The following TPRA1 variants were observed in gnomAD, a reference collection of about 807,000 sequenced individuals.
TPRA1 encodes transmembrane protein adipocyte-associated 1.
In TPRA1, 28 loss-of-function variants were observed where a neutral mutation model predicts 40.1. That is an observed-to-expected ratio of 0.70 (90% CI 0.52 to 0.96). TPRA1 has a LOEUF of 0.96. Among genes scored for constraint, TPRA1 ranks in the 40% least tolerant of loss-of-function variants. The probability of loss-of-function intolerance (pLI) is 0.00; values close to 1 mark genes in which losing one functional copy is unlikely to be tolerated. For synonymous variants in TPRA1, 219 were observed against 209.7 expected (o/e 1.04, Z -0.38); for missense variants, 441 against 482.6 (o/e 0.91, Z 0.81).
Position 127,575,942 on chromosome 3 carries a change from GGAA to G in TPRA1, c.604_606del (p.Phe202del), listed in dbSNP as rs746565169. The G allele has an allele frequency of 7.1e-5, 114 of 1,613,938 alleles. No homozygotes were observed. In the East Asian group the frequency reaches 1.3e-3, roughly 19 times the overall value. ...AGCTGCCCCAGCCTGAACCTCACCA[GGAA>G]GAAGAAGCAGGAGCTGACCAGCCAG... On this transcript the variant is annotated inframe_deletion, in exon 7 of 11. Transcript: ENST00000355552.
intron 1 of TPRA1, among the ~76,000 whole-genome samples, chr3:127,580,602 G>A (rs1001192184): frequency 9.2e-5 from 14 of 152,232 alleles, no homozygotes; most frequent in African/African-American, 2.9e-4. Context: ...TGGTGATGCC[G>A]AGTGCCTCAA....
chr3:127,574,846 A>G (rs1045102291), intron 10 of TPRA1: 6 of 385,226 alleles, frequency 1.6e-5, no homozygotes, highest in Non-Finnish European at 2.9e-5. Context: ...GCACGTGTTC[A>G]TGTGTGTATG....
chr3:127,573,235 G>T lies in TPRA1; in HGVS notation c.*286C>A. 2.7e-6 allele frequency: 1 copy of T among 369,188 alleles called. No homozygotes were observed. 22.9% of individuals were successfully genotyped at this position (369,188 alleles called of 1,614,324 possible). A position where few individuals can be genotyped will look rare whatever the true frequency, so the allele number is the denominator to read the frequency against. ...TGCCAAGGGTGCAGAGAAGGAGGGT[G>T]CCCTCAGCCAACCTTGCCAAGCATG... On this transcript the variant is annotated 3_prime_UTR_variant, in exon 11 of 11. Transcript: ENST00000355552.
intron 1 of TPRA1, among the ~76,000 whole-genome samples, chr3:127,585,006 G>A (rs2073957859): frequency 6.6e-6 from 1 of 152,102 alleles, no homozygotes; most frequent in African/African-American, 2.4e-5. Context: ...GAAAGAAGGT[G>A]TCTGGGTCCC....
intron 10 of TPRA1, 85 bp from the exon 11 acceptor site, chr3:127,573,873 T>A (rs532125838): frequency 6.2e-5 from 91 of 1,471,496 alleles, no homozygotes; most frequent in Non-Finnish European, 7.9e-5. Flanking sequence ...GGCCACCAGA[T>A]AAGGAAGGAA....
At chr3:127,588,014 G>A (rs1445011253) in intron 1 of TPRA1, 1 of 152,258 alleles carries the variant, frequency 6.6e-6, no homozygotes, top group African/African-American at 2.4e-5. Context: ...CCCTGGGAGG[G>A]AGGTACTTAT....
At chr3:127,592,541 G>A (rs1038638740), upstream of TPRA1, among the ~76,000 whole-genome samples, 1 of 151,004 alleles carries the variant, frequency 6.6e-6, no homozygotes, top group African/African-American at 2.4e-5. Context: ...GCCCGCCACC[G>A]CGCCCGGCTA....
chr3:127,594,826 C>T (rs530411629), upstream of TPRA1: 1 of 152,448 alleles, frequency 6.6e-6, no homozygotes, highest in South Asian at 2.1e-4. Context: ...CGCATGGAGC[C>T]CTTGAGGATG....
intron 10 of TPRA1, among the ~76,000 whole-genome samples, chr3:127,574,462 G>C (rs546386666): frequency 6.6e-6 from 1 of 152,200 alleles, no homozygotes; most frequent in Non-Finnish European, 1.5e-5. Flanking sequence ...TCTCACAGAC[G>C]CTTCTGCAGA....
rs1338056722 is a variant in TPRA1, at chr3:127,577,002, A to G, written c.333T>C (p.Thr111=). 4.3e-6 allele frequency: 7 copies of G among 1,613,820 alleles called. No homozygotes were observed. Among genetic ancestry groups the G allele is most frequent in the Non-Finnish European group, 5.9e-6 (7 of 1,180,006 alleles). ...SMTVSTSNAA[T]VADKILWEIT... ...GGCCCAGCCGCACCTTATCAGCAAC[A>G]GTTGCAGCGTTCGAGGTGCTCACCG... The change falls in exon 4 of 11, where the codon ACT becomes ACC. Residue 111 remains threonine (T), a synonymous_variant. Transcript: ENST00000355552.
In TPRA1 at chr3:127,580,055, A is replaced by T. The variant is rs1364888071; in HGVS notation, c.92T>A (p.Leu31Gln). Residue 31 changes from leucine to glutamine, a missense_variant, in exon 2 of 11, where the codon CTG becomes CAG. Transcript: ENST00000355552. ...APNISVPHRCLLLLYEDIGTS... is the reference protein window; with the variant it reads ...APNISVPHRCQLLLYEDIGTS... ...GCCAATGTCTTCGTAGAGCAGCAGC[A>T]GGCAGCGATGAGGCACACTGATGTT... 2 of 1,613,956 alleles carry T rather than the reference A, an allele frequency of 1.2e-6. No homozygotes were observed. The highest frequency in any genetic ancestry group is 1.7e-6 in the Non-Finnish European group (2 of 1,180,030).
At chr3:127,575,573 A>C (rs1576366876) in intron 8 of TPRA1, 68 bp from the exon 9 acceptor site, 16 of 1,466,982 alleles carry the variant, frequency 1.1e-5, no homozygotes, top group East Asian at 7.3e-5. Context: ...TCCAGCACCT[A>C]CTACCCTCAA....
intron 10 of TPRA1, chr3:127,574,833 T>A (rs184818569): frequency 2.7e-6 from 1 of 366,444 alleles, no homozygotes; most frequent in Non-Finnish European, 5.1e-6. Flanking sequence ...ATGTATATGT[T>A]GAGCACGTGT....
Position 127,583,086 on chromosome 3 carries a change from C to T in TPRA1, c.-17-2923G>A, listed in dbSNP as rs566797462. 2.7e-5 allele frequency among the ~76,000 whole-genome samples: 4 copies of T among 150,096 alleles called. No homozygotes were observed. In the East Asian group the frequency reaches 5.8e-4, roughly 22 times the overall value. On this transcript the variant is annotated intron_variant, in intron 1 of 10. Transcript: ENST00000355552. ...CCTTGAACCCGGGAGGCATAGGTTACGTTTAGCTGAGATCACACCATTGCT... is the reference window on the plus strand; with the variant it reads ...CCTTGAACCCGGGAGGCATAGGTTATGTTTAGCTGAGATCACACCATTGCT...
chr3:127,588,418 CTTTTTT>C (rs34353913), intron 1 of TPRA1, among the ~76,000 whole-genome samples: 1 of 132,504 alleles, frequency 7.5e-6, no homozygotes, highest in Non-Finnish European at 1.6e-5. Flanking sequence ...GAAGCACTGA[CTTTTTT>C]TTTTTTTTTT....
At chr3:127,577,097 G>A (rs2073667976) in intron 3 of TPRA1, 21 bp from the exon 4 acceptor site, 1 of 1,612,306 alleles carries the variant, frequency 6.2e-7, no homozygotes, top group Non-Finnish European at 8.5e-7. Flanking sequence ...AGGGAGTGGT[G>A]TGGCAGTCAG....
chr3:127,589,050 A>G (rs2074085630), intron 1 of TPRA1, among the ~76,000 whole-genome samples: 1 of 151,558 alleles, frequency 6.6e-6, no homozygotes, highest in African/African-American at 2.4e-5. Context: ...CCTGCGGTGC[A>G]GAGCACCCTG....
chr3:127,577,447 A>G lies in TPRA1; in HGVS notation c.259-371T>C, dbSNP rs772484109. On this transcript the variant is annotated intron_variant, in intron 3 of 10. Transcript: ENST00000355552. ...TGTACCTTAGCTTTCTCATCTATAA[A>G]ATGGGGGCAGAAACAAAACCTACTG... 7.2e-4 allele frequency among the ~76,000 whole-genome samples: 110 copies of G among 152,112 alleles called. 1 individual carries two copies. Among genetic ancestry groups the G allele is most frequent in the Admixed American group, 2.6e-4 (4 of 15,282 alleles).
Position 127,580,113 on chromosome 3 carries a change from C to T in TPRA1, c.34G>A (p.Gly12Arg). The T allele has an allele frequency of 1.2e-6, 2 of 1,613,614 alleles. No individual in the cohort carries two copies. Among genetic ancestry groups the T allele is most frequent in the South Asian group, 1.1e-5 (1 of 91,084 alleles). The change falls in exon 2 of 11, where the codon GGG becomes AGG. Residue 12 changes from glycine (G) to arginine (R), a missense_variant. Transcript: ENST00000355552. ...DTLEEVTWAN[G>R]STALPPPLAP... ...AGGGGTGGGGGTAGCGCTGTGCTCC[C>T]ATTGGCCCAAGTCACCTCCTCCAGG...
Sources: allele counts gnomAD v4.1 joint callset (sites outside exome capture counted in the v4.1 genomes callset), GRCh38; gene constraint gnomAD v4.1.1; transcripts MANE v1.5; gene names NCBI Gene and HGNC (gene_info 2026-07-23, HGNC 2026-07-21).